EDAR: variants seen among roughly 807,000 people sequenced by gnomAD.
The protein encoded by EDAR is ectodysplasin A receptor, also known as tumor necrosis factor receptor superfamily member EDAR.
EDAR carries 38 observed loss-of-function variants against 51.3 expected under a neutral mutation model. That is an observed-to-expected ratio of 0.74 (90% CI 0.57 to 0.97). The LOEUF (loss-of-function observed/expected upper bound fraction) is 0.97, where lower values mean the gene tolerates loss of function less well. Among genes scored for constraint, EDAR ranks in the 50% least tolerant of loss-of-function variants. The pLI is 0.00. For synonymous variants in EDAR, 227 were observed against 242.1 expected (o/e 0.94, Z 0.58); for missense variants, 528 against 595.0 (o/e 0.89, Z 1.17).
At chr2:108,974,046 T>C (rs1348126502) in intron 1 of EDAR, among the ~76,000 whole-genome samples, 2 of 152,176 alleles carry the variant, frequency 1.3e-5, no homozygotes, top group East Asian at 3.9e-4. Flanking sequence ...ATGCCACATA[T>C]TGGTCAGGCG....
chr2:108,975,307 T>C (rs1698302945), intron 1 of EDAR, among the ~76,000 whole-genome samples: 2 of 152,196 alleles, frequency 1.3e-5, no homozygotes, highest in South Asian at 4.1e-4. Flanking sequence ...CCTGCCTGGG[T>C]TCCCACCCGT....
intron 1 of EDAR, among the ~76,000 whole-genome samples, chr2:108,970,624 T>C (rs1377224711): frequency 1.3e-5 from 2 of 151,850 alleles, no homozygotes; most frequent in Non-Finnish European, 2.9e-5. Context: ...AGGTCTAAGG[T>C]TGTGGGAATA....
chr2:108,970,949 A>C (rs767327287), intron 1 of EDAR, among the ~76,000 whole-genome samples: 1 of 152,214 alleles, frequency 6.6e-6, no homozygotes, highest in Non-Finnish European at 1.5e-5. Context: ...TCAGCAAAAC[A>C]ACCTAATTTG....
chr2:108,905,064 AC>A (rs894737939), intron 11 of EDAR, among the ~76,000 whole-genome samples: 1 of 152,208 alleles, frequency 6.6e-6, no homozygotes, highest in African/African-American at 2.4e-5. Context: ...AAAACAAAAA[AC>A]AAAGAGACAC....
At chr2:108,968,881 G>A (rs1698192097) in intron 1 of EDAR, among the ~76,000 whole-genome samples, 1 of 152,214 alleles carries the variant, frequency 6.6e-6, no homozygotes, top group African/African-American at 2.4e-5. Context: ...CCCAGTCACG[G>A]TAGGGTTACA....
chr2:108,900,855 C>G (rs1696685388), intron 11 of EDAR, among the ~76,000 whole-genome samples: 2 of 151,998 alleles, frequency 1.3e-5, no homozygotes, highest in African/African-American at 4.8e-5. Flanking sequence ...CATAGCAATC[C>G]TAAATGAATA....
At chr2:108,934,245 G>C (rs1697425403) in intron 1 of EDAR, among the ~76,000 whole-genome samples, 1 of 152,194 alleles carries the variant, frequency 6.6e-6, no homozygotes, top group African/African-American at 2.4e-5. Context: ...GTGGGGTCTG[G>C]GGGAGGGGAG....
intron 1 of EDAR, among the ~76,000 whole-genome samples, chr2:108,966,741 T>G (rs1219783133): frequency 6.6e-6 from 1 of 152,242 alleles, no homozygotes; most frequent in African/African-American, 2.4e-5. Context: ...TGAGCCCACA[T>G]GGCCTGCTGG....
In EDAR at chr2:108,896,095, G is replaced by A. The variant is rs1245296607; in HGVS notation, c.*812C>T. On this transcript the variant is annotated 3_prime_UTR_variant, in exon 12 of 12. Transcript: ENST00000258443. ...CATTCACATGTAGTGCAGACCACAG[G>A]GTTCCCAGGCCAAAGAGTAATGCAG... The A allele has an allele frequency of 6.6e-6, 1 of 152,170 alleles. No individual in the cohort carries two copies. The highest frequency in any genetic ancestry group is 2.4e-5 in the African/African-American group (1 of 41,442). 9.4% of individuals were successfully genotyped at this position (152,170 alleles called of 1,614,324 possible). A position where few individuals can be genotyped will look rare whatever the true frequency, so the allele number is the denominator to read the frequency against.
chr2:108,923,005 T>TAGTA (rs1272748295), intron 5 of EDAR, among the ~76,000 whole-genome samples: 2 of 152,204 alleles, frequency 1.3e-5, no homozygotes, highest in East Asian at 3.9e-4. Flanking sequence ...CTTTGCAAAA[T>TAGTA]AGTAGTACTT....
intron 1 of EDAR, among the ~76,000 whole-genome samples, chr2:108,947,767 T>A (rs1697741737): frequency 6.6e-6 from 1 of 152,148 alleles, no homozygotes; most frequent in Non-Finnish European, 1.5e-5. Flanking sequence ...CTCCCAGGCC[T>A]CCGGGTCTGT....
intron 1 of EDAR, among the ~76,000 whole-genome samples, chr2:108,979,110 G>A (rs1166706544): frequency 1.3e-5 from 2 of 152,162 alleles, no homozygotes; most frequent in Non-Finnish European, 2.9e-5. Context: ...ATTCGGAAAC[G>A]TGGAAACATC....
chr2:108,963,712 G>T (rs1292002462), intron 1 of EDAR, among the ~76,000 whole-genome samples: 3 of 152,240 alleles, frequency 2.0e-5, no homozygotes, highest in Non-Finnish European at 4.4e-5. Flanking sequence ...GAATGTTGCG[G>T]CCAATTCTGG....
At chr2:108,955,722 C>T (rs1697909656) in intron 1 of EDAR, among the ~76,000 whole-genome samples, 2 of 149,222 alleles carry the variant, frequency 1.3e-5, no homozygotes, top group African/African-American at 4.9e-5. Flanking sequence ...TAAATAAATA[C>T]AATAACATAA....
intron 1 of EDAR, among the ~76,000 whole-genome samples, chr2:108,982,117 C>T (rs151011095): frequency 1.4e-3 from 216 of 152,334 alleles, no homozygotes; most frequent in Admixed American, 3.4e-3. Flanking sequence ...ATGCTTTAGG[C>T]CATGAGAATA....
chr2:108,961,554 T>C (rs902357254), intron 1 of EDAR, among the ~76,000 whole-genome samples: 1 of 152,218 alleles, frequency 6.6e-6, no homozygotes, highest in African/African-American at 2.4e-5. Context: ...AAGGTTGAAC[T>C]GCTCTTTTGG....
intron 1 of EDAR, among the ~76,000 whole-genome samples, chr2:108,937,877 C>A (rs949954271): frequency 1.3e-5 from 2 of 152,158 alleles, no homozygotes; most frequent in African/African-American, 4.8e-5. Flanking sequence ...TCGGGTGGGG[C>A]CTTCCCAAAA....
chr2:108,907,014 G>A (rs1054724561), intron 10 of EDAR, among the ~76,000 whole-genome samples: 2 of 152,246 alleles, frequency 1.3e-5, no homozygotes, highest in Non-Finnish European at 2.9e-5. Flanking sequence ...TGCAGCCAGG[G>A]GCACAGGCTA....
chr2:108,924,045 G>C (rs1349162097), intron 4 of EDAR, among the ~76,000 whole-genome samples: 1 of 152,264 alleles, frequency 6.6e-6, no homozygotes. Context: ...CAACCAGGTT[G>C]TAAGTGCCTC....
Sources: gnomAD v4.1 joint callset for allele counts (sites outside exome capture counted in the v4.1 genomes callset) on GRCh38, gnomAD v4.1.1 for gene constraint, MANE v1.5 for transcripts, NCBI Gene and HGNC (gene_info 2026-07-23, HGNC 2026-07-21) for gene names.